Variants in SLC6A15 observed in about 807,000 individuals in gnomAD.
SLC6A15 encodes the protein solute carrier family 6 member 15.
SLC6A15 carries 33 observed loss-of-function variants against 68.5 expected under a neutral mutation model. The ratio of observed to expected loss-of-function variants is 0.48; its 90% CI spans 0.37 to 0.64. SLC6A15 has a LOEUF of 0.64. SLC6A15 is among the 30% of genes least tolerant of loss of function. The pLI, the probability that SLC6A15 is intolerant of heterozygous loss-of-function variation, is 0.00. For missense variants in SLC6A15, 747 were observed against 874.3 expected (o/e 0.85, Z 1.84); for synonymous variants, 347 against 301.0 (o/e 1.15, Z -1.58).
At chr12:84,899,378 C>T (rs1045494591) in intron 1 of SLC6A15, among the ~76,000 whole-genome samples, 11 of 152,158 alleles carry the variant, frequency 7.2e-5, no homozygotes, top group Non-Finnish European at 1.2e-4. Context: ...TAGTTTCCAC[C>T]TCCCTGGAGT....
chr12:84,865,610 G>T (rs192234418), intron 10 of SLC6A15, among the ~76,000 whole-genome samples: 44 of 152,272 alleles, frequency 2.9e-4, no homozygotes, highest in African/African-American at 1.0e-3. Flanking sequence ...TGTGCTCAGC[G>T]TATACATCCC....
intron 1 of SLC6A15, among the ~76,000 whole-genome samples, chr12:84,898,204 G>A (rs1659036837): frequency 6.6e-6 from 1 of 152,150 alleles, no homozygotes; most frequent in African/African-American, 2.4e-5. Context: ...AGCCAGGCCT[G>A]GTGGCATGCA....
At chr12:84,901,809 A>T (rs1009203373) in intron 1 of SLC6A15, among the ~76,000 whole-genome samples, 2 of 151,532 alleles carry the variant, frequency 1.3e-5, no homozygotes, top group African/African-American at 4.9e-5. Flanking sequence ...CCTGTCTTTG[A>T]CAACTTAAAA....
At position 84,883,151 on chromosome 12, in the gene SLC6A15, GAA is replaced by G. The variant is rs60034973; in HGVS notation, c.756+706_756+707del. 6,950 of 853,240 alleles carry G rather than the reference GAA, an allele frequency of 8.1e-3. 3 individuals carry two copies. Among genetic ancestry groups the G allele is most frequent in the African/African-American group, 0.018 (879 of 48,730 alleles). The allele number at this position is 853,240 out of a possible 1,614,324, so 52.9% of individuals were successfully genotyped here. A position where few individuals can be genotyped will look rare whatever the true frequency, so the allele number is the denominator to read the frequency against. On this transcript the variant is annotated intron_variant, in intron 5 of 11. Transcript: ENST00000266682. Reference sequence around the variant, plus strand: ...GCTTTAGAACAATGGCTGTGATAATGAAAAAAAAAAAAAAAAAGTAATACGAA... The same window carrying G: ...GCTTTAGAACAATGGCTGTGATAATGAAAAAAAAAAAAAAAGTAATACGAA...
intron 1 of SLC6A15, among the ~76,000 whole-genome samples, chr12:84,908,384 A>G (rs1873273785): frequency 6.6e-6 from 1 of 151,952 alleles, no homozygotes; most frequent in Admixed American, 6.6e-5. Flanking sequence ...TGAAAGAGGA[A>G]GCTTTCTTGT....
intron 10 of SLC6A15, among the ~76,000 whole-genome samples, chr12:84,864,177 A>G (rs1468688851): frequency 6.6e-6 from 1 of 151,562 alleles, no homozygotes; most frequent in Non-Finnish European, 1.5e-5. Flanking sequence ...AAGCATAATA[A>G]TAATTCCTTA....
chr12:84,890,042 C>T (rs560473799), intron 2 of SLC6A15, among the ~76,000 whole-genome samples: 1 of 152,094 alleles, frequency 6.6e-6, no homozygotes, highest in South Asian at 2.1e-4. Flanking sequence ...GTTGTTTAGT[C>T]AGAAGATATT....
chr12:84,876,610 G>T lies in SLC6A15; in HGVS notation c.757-3C>A, dbSNP rs2120596611. On this transcript the variant is annotated splice_polypyrimidine_tract_variant and splice_region_variant and intron_variant, in intron 5 of 11. Coordinates refer to ENST00000266682, the MANE Select transcript of SLC6A15 (RefSeq NM_182767.6). ...AACAGAGAACTAAAATATATGATCT[G>T]CAAAGAAATAAAAATAAAAATAAGT... The T allele has an allele frequency of 1.4e-6, 2 of 1,406,870 alleles. No individual in the cohort carries two copies. Among genetic ancestry groups the T allele is most frequent in the Non-Finnish European group, 2.0e-6 (2 of 1,019,882 alleles). 87.1% of individuals were successfully genotyped at this position (1,406,870 alleles called of 1,614,324 possible).
rs537897656 is a variant in SLC6A15 at position 84,872,582 on chromosome 12, C to T, written c.1302+20G>A. 50 of 1,590,118 alleles carry T rather than the reference C, an allele frequency of 3.1e-5. No individual in the cohort carries two copies. In the South Asian group the frequency reaches 4.4e-4, roughly 14 times the overall value. On this transcript the variant is annotated intron_variant, in intron 8 of 11. Transcript: ENST00000266682. ...CAAGTGAATGATAATTATTTTATTG[C>T]TCAAACATGGCTTACTAACTTTATT...
intron 1 of SLC6A15, among the ~76,000 whole-genome samples, chr12:84,893,280 T>C (rs1454043438): frequency 6.6e-6 from 1 of 152,086 alleles, no homozygotes; most frequent in Non-Finnish European, 1.5e-5. Context: ...AAAATTAGAG[T>C]TGAGCATAAA....
rs554748708 is a variant in SLC6A15 at position 84,865,782 on chromosome 12, T to C, written c.1655+1252A>G. Among the ~76,000 whole-genome samples the C allele has an allele frequency of 2.0e-5, 3 of 152,330 alleles. No individual in the cohort carries two copies. The South Asian group carries it at 6.2e-4, about 32-fold the overall frequency. On this transcript the variant is annotated intron_variant, in intron 10 of 11. Transcript: ENST00000266682. Reference sequence around the variant, plus strand: ...TTAAAATTTCCTCTGTGTCTTTTCATGGATTGAATAATATTTCATTGTCTG... The same window carrying C: ...TTAAAATTTCCTCTGTGTCTTTTCACGGATTGAATAATATTTCATTGTCTG...
At chr12:84,905,063 T>C (rs1372307055) in intron 1 of SLC6A15, among the ~76,000 whole-genome samples, 1 of 152,172 alleles carries the variant, frequency 6.6e-6, no homozygotes, top group Non-Finnish European at 1.5e-5. Flanking sequence ...TTTCATTTTA[T>C]GAAAGCAGTA....
At chr12:84,905,845 C>A (rs1425095777) in intron 1 of SLC6A15, among the ~76,000 whole-genome samples, 2 of 152,198 alleles carry the variant, frequency 1.3e-5, no homozygotes, top group Admixed American at 6.5e-5. Flanking sequence ...AGCCAAGTTA[C>A]AAAAGATTTC....
chr12:84,894,805 T>A (rs1872568943), intron 1 of SLC6A15, among the ~76,000 whole-genome samples: 1 of 152,108 alleles, frequency 6.6e-6, no homozygotes, highest in Non-Finnish European at 1.5e-5. Context: ...AGGTCATATT[T>A]TCTATTTTAA....
intron 1 of SLC6A15, among the ~76,000 whole-genome samples, chr12:84,906,911 A>C (rs921492999): frequency 1.3e-5 from 2 of 152,198 alleles, no homozygotes; most frequent in African/African-American, 4.8e-5. Flanking sequence ...AGAAACACAA[A>C]AATTGATAAA....
intron 2 of SLC6A15, among the ~76,000 whole-genome samples, chr12:84,886,344 AT>A (rs1334366189): frequency 6.6e-6 from 1 of 152,058 alleles, no homozygotes; most frequent in South Asian, 2.1e-4. Context: ...AAACAGTTTC[AT>A]TTTCCATAAA....
chr12:84,881,401 C>T, intron 5 of SLC6A15: 4 of 962,972 alleles, frequency 4.2e-6, no homozygotes, highest in South Asian at 9.6e-5. Flanking sequence ...CAAAGCAGCC[C>T]TATTCTTCTT....
intron 11 of SLC6A15, among the ~76,000 whole-genome samples, chr12:84,862,941 T>C (rs1364953690): frequency 6.6e-6 from 1 of 152,046 alleles, no homozygotes; most frequent in Admixed American, 6.6e-5. Context: ...AGCCGTGTGC[T>C]ACCATGCCCA....
At chr12:84,874,498 A>T (rs1468978368) in intron 6 of SLC6A15, 1 of 152,202 alleles carries the variant, frequency 6.6e-6, no homozygotes, top group Non-Finnish European at 1.5e-5. Context: ...AAGTTTACAC[A>T]GCAGCTCTGA....
Sources: gnomAD v4.1 joint callset for allele counts (sites outside exome capture counted in the v4.1 genomes callset) on GRCh38, gnomAD v4.1.1 for gene constraint, MANE v1.5 for transcripts, NCBI Gene and HGNC (gene_info 2026-07-23, HGNC 2026-07-21) for gene names.